The following GALNTL6 variants were observed in gnomAD, a reference collection of about 807,000 sequenced individuals.
GALNTL6 encodes polypeptide N-acetylgalactosaminyltransferase like 6.
Under a neutral mutation model 73.7 loss-of-function variants are expected in GALNTL6, and 46 were observed. That is an observed-to-expected ratio of 0.62 (90% CI 0.49 to 0.80). The LOEUF (loss-of-function observed/expected upper bound fraction) is 0.80, where lower values mean the gene tolerates loss of function less well. GALNTL6 is among the 30% of genes least tolerant of loss of function. The pLI, the probability that GALNTL6 is intolerant of heterozygous loss-of-function variation, is 0.00. For missense variants in GALNTL6, 604 were observed against 755.0 expected, an observed-to-expected ratio of 0.80 and a Z score of 2.34; for synonymous variants, 259 against 263.7, an observed-to-expected ratio of 0.98 and a Z score of 0.17.
intron 5 of GALNTL6, among the ~76,000 whole-genome samples, chr4:172,597,294 G>C (rs951269817): frequency 6.6e-6 from 1 of 152,022 alleles, no homozygotes; most frequent in Non-Finnish European, 1.5e-5. Flanking sequence ...CTTTTCATTT[G>C]ATTCTATAAA....
intron 2 of GALNTL6, among the ~76,000 whole-genome samples, chr4:171,986,519 T>C (rs1458957097): frequency 6.6e-6 from 1 of 152,012 alleles, no homozygotes; most frequent in Non-Finnish European, 1.5e-5. Flanking sequence ...GGTAAAGTGT[T>C]GGGATGGTGA....
At chr4:172,156,021 T>C (rs6834104) in intron 2 of GALNTL6, among the ~76,000 whole-genome samples, 92,725 of 151,826 alleles carry the variant, frequency 0.61, 29,519 homozygotes, top group African/African-American at 0.8. Flanking sequence ...CCCGAGAACG[T>C]GCCAACAGAC....
chr4:172,614,469 C>G (rs1054985452), intron 5 of GALNTL6, among the ~76,000 whole-genome samples: 2 of 151,988 alleles, frequency 1.3e-5, no homozygotes, highest in African/African-American at 4.8e-5. Context: ...AAGTTTAATA[C>G]AGAAAAGGGA....
At chr4:172,953,951 G>A (rs1749586426) in intron 10 of GALNTL6, among the ~76,000 whole-genome samples, 1 of 152,180 alleles carries the variant, frequency 6.6e-6, no homozygotes, top group Admixed American at 6.5e-5. Context: ...TGGAAGGCAT[G>A]GGAAGTGAGT....
chr4:172,221,473 A>C (rs2110948943), intron 2 of GALNTL6, among the ~76,000 whole-genome samples: 1 of 151,964 alleles, frequency 6.6e-6, no homozygotes, highest in Non-Finnish European at 1.5e-5. Context: ...AGGTTAATAT[A>C]ATATGTGCCT....
At position 172,051,435 on chromosome 4, in the gene GALNTL6, A is replaced by T. The variant is rs536337305; in HGVS notation, c.139-178221A>T. Among the ~76,000 whole-genome samples the T allele has an allele frequency of 1.3e-3, 201 of 152,094 alleles. 1 individual carries two copies. The highest frequency in any genetic ancestry group is 2.3e-3 in the Non-Finnish European group (157 of 67,992). ...ATGGACTTGAAGGATAAATGCAGGG[A>T]TTTTATTAAGTGGTTGCATTGGCTC... On this transcript the variant is annotated intron_variant, in intron 2 of 12. Transcript: ENST00000506823.
chr4:172,382,542 T>C (rs1579018242), intron 5 of GALNTL6, among the ~76,000 whole-genome samples: 1 of 152,298 alleles, frequency 6.6e-6, no homozygotes, highest in East Asian at 1.9e-4. Flanking sequence ...ATTCTTCTAT[T>C]GTGTGCATTG....
intron 2 of GALNTL6, among the ~76,000 whole-genome samples, chr4:171,946,336 A>G (rs561379740): frequency 2.8e-4 from 43 of 152,350 alleles, no homozygotes; most frequent in Admixed American, 6.5e-4. Context: ...TAGGAAAAGT[A>G]CAAACAAAAA....
chr4:172,007,017 G>A (rs548344197), intron 2 of GALNTL6, among the ~76,000 whole-genome samples: 2 of 152,168 alleles, frequency 1.3e-5, no homozygotes, highest in South Asian at 4.1e-4. Context: ...TTCCGGAAAA[G>A]TAATTTATGT....
At position 172,385,379 on chromosome 4, in the gene GALNTL6, T is replaced by C. The variant is rs907839547; in HGVS notation, c.553+36690T>C. 3.9e-5 allele frequency among the ~76,000 whole-genome samples: 6 copies of C among 152,224 alleles called. No homozygotes were observed. In the East Asian group the frequency reaches 1.2e-3, roughly 29 times the overall value. On this transcript the variant is annotated intron_variant, in intron 5 of 12. Coordinates refer to ENST00000506823, the MANE Select transcript of GALNTL6 (RefSeq NM_001034845.3). ...CATTGTTGAAAGTGCAACATTGAAATCTTCAATATTTATCACTGAATTATC... is the reference window on the plus strand; with the variant it reads ...CATTGTTGAAAGTGCAACATTGAAACCTTCAATATTTATCACTGAATTATC...
At chr4:172,387,449 C>A (rs567537164) in intron 5 of GALNTL6, among the ~76,000 whole-genome samples, 1 of 152,190 alleles carries the variant, frequency 6.6e-6, no homozygotes, top group African/African-American at 2.4e-5. Context: ...ACTTCTTACA[C>A]TTTGAATATG....
chr4:172,086,462 A>T (rs1040037574), intron 2 of GALNTL6, among the ~76,000 whole-genome samples: 1 of 152,078 alleles, frequency 6.6e-6, no homozygotes, highest in African/African-American at 2.4e-5. Flanking sequence ...TTTAAACTTG[A>T]TTTTAAAGCA....
At chr4:172,021,975 T>G (rs148355399) in intron 2 of GALNTL6, among the ~76,000 whole-genome samples, 1 of 151,932 alleles carries the variant, frequency 6.6e-6, no homozygotes, top group Non-Finnish European at 1.5e-5. Context: ...CCTCAAAGTA[T>G]GAAACTACTA....
rs200613050 is a variant in GALNTL6 at position 172,177,922 on chromosome 4, T to G, written c.139-51734T>G. Among the ~76,000 whole-genome samples, 47 of 130,466 alleles carry G rather than the reference T, an allele frequency of 3.6e-4. 2 individuals carry two copies. In the East Asian group the frequency reaches 9.4e-3, roughly 26 times the overall value. The allele number at this position is 130,466 out of a possible 152,430, so 85.6% of individuals were successfully genotyped here. A position where few individuals can be genotyped will look rare whatever the true frequency, so the allele number is the denominator to read the frequency against. On this transcript the variant is annotated intron_variant, in intron 2 of 12. Coordinates refer to ENST00000506823, the MANE Select transcript of GALNTL6 (RefSeq NM_001034845.3). ...CTATGATATGACTTTCATAGTTTAT[T>G]TGTGTGTTCTTCAAGGTTGCCCTTT... is the stretch of plus-strand genomic sequence containing the variant.
intron 2 of GALNTL6, among the ~76,000 whole-genome samples, chr4:172,104,092 C>A (rs1442541059): frequency 6.6e-6 from 1 of 152,008 alleles, no homozygotes; most frequent in South Asian, 2.1e-4. Flanking sequence ...TACAGGCGCC[C>A]ACCACCACGC....
At chr4:172,480,407 C>G (rs1372498518) in intron 5 of GALNTL6, among the ~76,000 whole-genome samples, 5 of 152,126 alleles carry the variant, frequency 3.3e-5, no homozygotes, top group African/African-American at 9.7e-5. Flanking sequence ...AGACTTAAAG[C>G]TATTGCTCAT....
At chr4:172,679,571 T>C (rs1318737001) in intron 5 of GALNTL6, among the ~76,000 whole-genome samples, 1 of 152,232 alleles carries the variant, frequency 6.6e-6, no homozygotes. Context: ...TTTTTCTCTA[T>C]ACACTATCTC....
rs111490538 is a variant in GALNTL6 at position 172,952,934 on chromosome 4, T to C, written c.1371+676T>C. On this transcript the variant is annotated intron_variant, in intron 10 of 12. Coordinates refer to ENST00000506823, the MANE Select transcript of GALNTL6 (RefSeq NM_001034845.3). ...AGTGCGTAAATATGGGCACCTGATA[T>C]ACGTGATAAAAACCCTCTGTCCTGG... Among the ~76,000 whole-genome samples, 313 of 152,366 alleles carry C rather than the reference T, an allele frequency of 2.1e-3. 3 individuals are homozygous for C. The highest frequency in any genetic ancestry group is 6.9e-3 in the African/African-American group (288 of 41,588).
At chr4:172,796,377 G>C (rs1740263015) in intron 5 of GALNTL6, among the ~76,000 whole-genome samples, 1 of 152,050 alleles carries the variant, frequency 6.6e-6, no homozygotes, top group African/African-American at 2.4e-5. Flanking sequence ...TTCCTCATTT[G>C]TAAGTAAGAA....
Sources: allele counts gnomAD v4.1 joint callset (sites outside exome capture counted in the v4.1 genomes callset), GRCh38; gene constraint gnomAD v4.1.1; transcripts MANE v1.5; gene names NCBI Gene and HGNC (gene_info 2026-07-23, HGNC 2026-07-21).